The following RP1 variants were observed in gnomAD, a reference collection of about 807,000 sequenced individuals.
RP1 encodes the protein oxygen-regulated protein 1.
Under a neutral mutation model 14.8 loss-of-function variants are expected in RP1, and 16 were observed. That is an observed-to-expected ratio of 1.08 (90% CI 0.73 to 1.65). RP1 has a LOEUF of 1.65. Among genes scored for constraint, RP1 ranks in the 40% most tolerant of loss-of-function variants. RP1 has a pLI of 0.00. For synonymous variants in RP1, 876 were observed against 883.6 expected (o/e 0.99, Z 0.15); for missense variants, 2,631 against 2,535.0 (o/e 1.04, Z -0.81).
downstream of RP1, among the ~76,000 whole-genome samples, chr8:54,771,609 AT>A (rs1809909520): frequency 6.6e-6 from 1 of 152,128 alleles, no homozygotes; most frequent in African/African-American, 2.4e-5. Flanking sequence ...TAAAATGTAT[AT>A]TTTTTATAGT....
chr8:54,795,523 G>C (rs1355124162), intron 24 of RP1, among the ~76,000 whole-genome samples: 3 of 152,000 alleles, frequency 2.0e-5, no homozygotes, highest in African/African-American at 7.2e-5. Flanking sequence ...TTTATTGGAG[G>C]ACAACTGAAA....
At position 54,629,527 on chromosome 8, in the gene RP1, C is replaced by G; in HGVS notation, c.5645C>G (p.Ser1882Cys). 1 of 1,614,070 alleles carries G rather than the reference C, an allele frequency of 6.2e-7. No homozygotes were observed. The highest frequency in any genetic ancestry group is 8.5e-7 in the Non-Finnish European group (1 of 1,180,000). ...ISAGNKVYPV[S>C]DDAIKNQPLP... Reference sequence around the variant, plus strand: ...GCTGGTAACAAAGTCTACCCTGTCTCTGATGATGCTATTAAAAACCAACCA... The same window carrying G: ...GCTGGTAACAAAGTCTACCCTGTCTGTGATGATGCTATTAAAAACCAACCA... Residue 1882 changes from serine (S) to cysteine (C), a missense_variant, in exon 4 of 4, where the codon TCT becomes TGT. By Grantham distance (112) the Ser-to-Cys change is moderately radical (BLOSUM62 -1). Transcript: ENST00000220676.
intron 22 of RP1, among the ~76,000 whole-genome samples, chr8:54,762,496 A>T (rs1421736431): frequency 1.3e-5 from 2 of 152,148 alleles, no homozygotes; most frequent in African/African-American, 4.8e-5. Context: ...TGTACATTTA[A>T]TATAGATAGG....
intron 24 of RP1, among the ~76,000 whole-genome samples, chr8:54,786,070 C>T (rs138832050): frequency 1.3e-5 from 2 of 152,142 alleles, no homozygotes; most frequent in African/African-American, 4.8e-5. Flanking sequence ...AATTTTTTCT[C>T]CCGTTTTTTG....
At chr8:54,697,614 C>T (rs1807901302) in intron 12 of RP1, among the ~76,000 whole-genome samples, 1 of 151,960 alleles carries the variant, frequency 6.6e-6, no homozygotes, top group South Asian at 2.1e-4. Flanking sequence ...TCATCACAGT[C>T]CAGTTCCAAG....
At chr8:54,859,939 T>G (rs1294415118) in intron 27 of RP1, among the ~76,000 whole-genome samples, 5 of 152,160 alleles carry the variant, frequency 3.3e-5, no homozygotes, top group Non-Finnish European at 5.9e-5. Context: ...CAGACTCCTC[T>G]TTGTGACATG....
chr8:54,837,665 G>C, exon 25 of RP1: 1 of 1,227,202 alleles, frequency 8.1e-7, no homozygotes, highest in Non-Finnish European at 1.0e-6. Flanking sequence ...AAGCACCTTT[G>C]CCAGGTATAT....
At chr8:54,578,783 G>C (rs2129295645) in intron 1 of RP1, among the ~76,000 whole-genome samples, 1 of 152,284 alleles carries the variant, frequency 6.6e-6, no homozygotes, top group African/African-American at 2.4e-5. Context: ...GGCTAAGCAA[G>C]GTACTTCATT....
intron 19 of RP1, among the ~76,000 whole-genome samples, chr8:54,753,297 G>A (rs751237434): frequency 1.3e-5 from 2 of 152,132 alleles, no homozygotes; most frequent in African/African-American, 2.4e-5. Context: ...TTAATCATTC[G>A]TTCAACAAAC....
In RP1 at chr8:54,559,867, G is replaced by GT. The variant is rs541843337; in HGVS notation, c.-13+548dup. On this transcript the variant is annotated intron_variant, in intron 1 of 22. Transcript: ENST00000636932. ...GGCCACAGCAAAGAATGTAAAAAGA[G>GT]TATGGACAAGATGAGATGGGGTGGG... Among the ~76,000 whole-genome samples, 202 of 152,288 alleles carry GT rather than the reference G, an allele frequency of 1.3e-3. 1 individual carries two copies. The highest frequency in any genetic ancestry group is 4.6e-3 in the African/African-American group (192 of 41,552).
intron 24 of RP1, among the ~76,000 whole-genome samples, chr8:54,825,918 AT>A (rs1811378024): frequency 6.6e-6 from 1 of 151,478 alleles, no homozygotes; most frequent in Non-Finnish European, 1.5e-5. Context: ...AAAAAAAAAA[AT>A]CAGCCTGGTG....
At chr8:54,707,780 A>G (rs544651587) in intron 15 of RP1, among the ~76,000 whole-genome samples, 77 of 152,266 alleles carry the variant, frequency 5.1e-4, no homozygotes, top group Middle Eastern at 3.4e-3. Context: ...AGCTGCACTG[A>G]TGCTCACAAT....
At chr8:54,564,490 A>C (rs1388335822) in intron 1 of RP1, among the ~76,000 whole-genome samples, 3 of 152,162 alleles carry the variant, frequency 2.0e-5, no homozygotes, top group Non-Finnish European at 4.4e-5. Flanking sequence ...GTGTTCAGTA[A>C]GTGTTCGCTG....
chr8:54,574,318 T>C (rs1804596456), intron 1 of RP1, among the ~76,000 whole-genome samples: 1 of 152,068 alleles, frequency 6.6e-6, no homozygotes, highest in Non-Finnish European at 1.5e-5. Flanking sequence ...GAGACCCTGG[T>C]AGCAAAGGCC....
chr8:54,792,302 T>C (rs1043062865), intron 24 of RP1, among the ~76,000 whole-genome samples: 7 of 151,896 alleles, frequency 4.6e-5, no homozygotes, highest in Admixed American at 4.6e-4. Flanking sequence ...GACGGATAGA[T>C]CATCCAGATA....
At chr8:54,769,800 G>A in exon 23 of RP1, 2 of 1,531,386 alleles carry the variant, frequency 1.3e-6, no homozygotes, top group Non-Finnish European at 8.7e-7. Flanking sequence ...TATCTTCAAG[G>A]TGAGGATTAC....
intron 1 of RP1, among the ~76,000 whole-genome samples, chr8:54,603,960 G>A (rs112459629): frequency 1.3e-5 from 2 of 152,274 alleles, no homozygotes; most frequent in African/African-American, 4.8e-5. Context: ...GGGTTTTCTA[G>A]ATATACGATC....
At chr8:54,561,980 T>C (rs1015693912) in intron 1 of RP1, 1 of 152,210 alleles carries the variant, frequency 6.6e-6, no homozygotes, top group African/African-American at 2.4e-5. Context: ...TTCAGGGACA[T>C]TAACATAAAT....
chr8:54,700,405 GA>G (rs969010191), intron 13 of RP1, among the ~76,000 whole-genome samples: 16 of 149,018 alleles, frequency 1.1e-4, no homozygotes, highest in African/African-American at 3.2e-4. Context: ...AATACTTATT[GA>G]AAAAAAAACC....
Sources: allele counts gnomAD v4.1 joint callset (sites outside exome capture counted in the v4.1 genomes callset), GRCh38; gene constraint gnomAD v4.1.1; transcripts MANE v1.5; gene names NCBI Gene and HGNC (gene_info 2026-07-23, HGNC 2026-07-21).